The following PLEKHA8 variants were observed in gnomAD, a reference collection of about 807,000 sequenced individuals.
PLEKHA8 encodes the protein pleckstrin homology domain containing A8, also known as pleckstrin homology domain-containing family A member 8.
Under a neutral mutation model 68.2 loss-of-function variants are expected in PLEKHA8, and 36 were observed. The ratio of observed to expected loss-of-function variants is 0.53; its 90% CI spans 0.40 to 0.70. The LOEUF (loss-of-function observed/expected upper bound fraction) is 0.70. Ranked by LOEUF, PLEKHA8 falls within the 30% of genes least tolerant of loss-of-function variation. The pLI is 0.00. For missense variants in PLEKHA8, 505 were observed against 615.4 expected (o/e 0.82, Z 1.90); for synonymous variants, 211 against 216.1 (o/e 0.98, Z 0.20).
chr7:30,056,278 T>TTCTCTCTCTCATTCTCTCTCTC (rs1554384845), intron 9 of PLEKHA8, among the ~76,000 whole-genome samples: 1 of 56,384 alleles, frequency 1.8e-5, no homozygotes, highest in Non-Finnish European at 3.6e-5. Context: ...TAAAGATATA[T>TTCTCTCTCTCATTCTCTCTCTC]TCTCTCTCTC....
At position 30,049,361 on chromosome 7, in the gene PLEKHA8, GGC is replaced by G; in HGVS notation, c.577_578del (p.Ala193HisfsTer16). 6.2e-7 allele frequency: 1 copy of G among 1,614,042 alleles called. No individual in the cohort carries two copies. The highest frequency in any genetic ancestry group is 8.5e-7 in the Non-Finnish European group (1 of 1,179,950). ...GCACTCCACCAGGATCACCTCAGCT[GGC>G]CATGCTCAAGTCCAGCAAGGTAAAA... is the stretch of plus-strand genomic sequence containing the variant. Reference protein sequence around the residue: ...YRTPPGSPQLAMLKSSKMKHP... With the variant: ...YRTPPGSPQLXMLKSSKMKHP... On this transcript the variant is annotated frameshift_variant, in exon 5 of 14. Transcript: ENST00000449726. LOFTEE classifies it high-confidence loss of function.
At chr7:30,047,680 T>C (rs1792061689) in intron 3 of PLEKHA8, 152 bp from the exon 4 acceptor site, 1 of 702,272 alleles carries the variant, frequency 1.4e-6, no homozygotes, top group African/African-American at 1.9e-5. Context: ...TCTTCACCTG[T>C]CACATTTGCA....
At chr7:30,098,666 T>G (rs548743759) in intron 13 of PLEKHA8, among the ~76,000 whole-genome samples, 1 of 152,322 alleles carries the variant, frequency 6.6e-6, no homozygotes, top group East Asian at 1.9e-4. Flanking sequence ...GTGCCGTTTG[T>G]TAAACCCGTT....
intron 12 of PLEKHA8, among the ~76,000 whole-genome samples, chr7:30,073,171 T>G (rs958827732): frequency 3.9e-5 from 6 of 152,216 alleles, no homozygotes; most frequent in African/African-American, 1.4e-4. Context: ...CTTTTATTAA[T>G]ATAGTTCTCA....
intron 13 of PLEKHA8, among the ~76,000 whole-genome samples, chr7:30,121,137 G>A (rs891170642): frequency 6.6e-6 from 1 of 151,738 alleles, no homozygotes; most frequent in Non-Finnish European, 1.5e-5. Flanking sequence ...AGGGTTCCAC[G>A]TGAAAAAATA....
chr7:30,103,390 G>A (rs1314462042), intron 13 of PLEKHA8, among the ~76,000 whole-genome samples: 1 of 152,156 alleles, frequency 6.6e-6, no homozygotes, highest in Non-Finnish European at 1.5e-5. Flanking sequence ...CAATAAAGTT[G>A]TTCTAAAAAA....
intron 13 of PLEKHA8, among the ~76,000 whole-genome samples, chr7:30,118,968 A>G (rs1329286962): frequency 1.3e-5 from 2 of 152,226 alleles, no homozygotes; most frequent in Non-Finnish European, 2.9e-5. Flanking sequence ...TTGTACAAGA[A>G]TCTGATTGGC....
intron 10 of PLEKHA8, 127 bp downstream of exon 10, chr7:30,061,069 T>C (rs1793398045): frequency 2.4e-6 from 2 of 828,116 alleles, no homozygotes; most frequent in Admixed American, 4.7e-5. Context: ...AGAGCAAGCA[T>C]CTTTCTTCTC....
chr7:30,047,095 G>T (rs745616222), intron 3 of PLEKHA8, among the ~76,000 whole-genome samples: 1 of 152,174 alleles, frequency 6.6e-6, no homozygotes, highest in African/African-American at 2.4e-5. Context: ...CTCATGACAG[G>T]TGTGGCAGTT....
At chr7:30,100,419 G>A (rs1358559791) in intron 13 of PLEKHA8, among the ~76,000 whole-genome samples, 2 of 152,032 alleles carry the variant, frequency 1.3e-5, no homozygotes, top group Non-Finnish European at 2.9e-5. Flanking sequence ...AGGTATGGTG[G>A]TGTACACCTG....
rs536269007 is a variant in PLEKHA8 at position 30,109,485 on chromosome 7, G to A, written c.1363-19781G>A. ...TGCCTGTAATCCCAGCTACTCGGGAGGCTTAGGCAGGAGAAATGCTTGAAC... is the reference window on the plus strand; with the variant it reads ...TGCCTGTAATCCCAGCTACTCGGGAAGCTTAGGCAGGAGAAATGCTTGAAC... On this transcript the variant is annotated intron_variant, in intron 13 of 13. Transcript: ENST00000396257. 3.3e-5 allele frequency among the ~76,000 whole-genome samples: 5 copies of A among 151,018 alleles called. No individual in the cohort carries two copies. In the East Asian group the frequency reaches 9.9e-4, roughly 30 times the overall value.
chr7:30,094,143 TA>T (rs749585636), downstream of PLEKHA8, among the ~76,000 whole-genome samples: 3 of 152,234 alleles, frequency 2.0e-5, no homozygotes, highest in Non-Finnish European at 4.4e-5. Flanking sequence ...GAAATTACAT[TA>T]TCCGAAGGGA....
intron 1 of PLEKHA8, among the ~76,000 whole-genome samples, chr7:30,042,170 C>G (rs536921356): frequency 1.3e-5 from 2 of 152,320 alleles, no homozygotes; most frequent in East Asian, 1.9e-4. Context: ...ATTGGTTCTT[C>G]TTGGGTCTTG....
intron 12 of PLEKHA8, among the ~76,000 whole-genome samples, chr7:30,068,972 A>G (rs1426341900): frequency 7.9e-5 from 12 of 152,052 alleles, no homozygotes; most frequent in Admixed American, 7.9e-4. Flanking sequence ...TTATTGGATC[A>G]CCCATTCTTT....
intron 9 of PLEKHA8, 103 bp downstream of exon 9, chr7:30,055,445 AC>A (rs1214638061): frequency 4.0e-6 from 4 of 990,252 alleles, no homozygotes; most frequent in African/African-American, 1.6e-5. Context: ...CAGTGAGATG[AC>A]CCTTGGCTAT....
At chr7:30,051,071 T>G (rs1792368542) in intron 6 of PLEKHA8, among the ~76,000 whole-genome samples, 1 of 152,166 alleles carries the variant, frequency 6.6e-6, no homozygotes, top group African/African-American at 2.4e-5. Context: ...GGCTAATTTT[T>G]GTATTTTTTG....
intron 13 of PLEKHA8, among the ~76,000 whole-genome samples, chr7:30,108,520 T>A (rs1365778093): frequency 6.6e-6 from 1 of 152,202 alleles, no homozygotes; most frequent in African/African-American, 2.4e-5. Context: ...TTTTTTAGTA[T>A]GGAGGGTAGA....
chr7:30,030,154 C>CT (rs1790551178), intron 1 of PLEKHA8, among the ~76,000 whole-genome samples: 2 of 152,274 alleles, frequency 1.3e-5, no homozygotes, highest in Admixed American at 1.3e-4. Flanking sequence ...TGAGGTCTCT[C>CT]TAAGCTCTCA....
At chr7:30,072,387 A>G (rs907949569) in intron 12 of PLEKHA8, among the ~76,000 whole-genome samples, 3 of 152,244 alleles carry the variant, frequency 2.0e-5, no homozygotes, top group African/African-American at 7.2e-5. Flanking sequence ...AAATTTGAAT[A>G]TGTAAAATTG....
Sources: gnomAD v4.1 joint callset for allele counts (sites outside exome capture counted in the v4.1 genomes callset) on GRCh38, gnomAD v4.1.1 for gene constraint, MANE v1.5 for transcripts, NCBI Gene and HGNC (gene_info 2026-07-23, HGNC 2026-07-21) for gene names.